Variants in SIMC1 observed in about 807,000 individuals in gnomAD.
SIMC1 encodes SUMO-interacting motif-containing protein 1.
In SIMC1, 55 loss-of-function variants were observed where a neutral mutation model predicts 82.3. The observed-to-expected ratio is 0.67, with a 90% CI of 0.54 to 0.84. The LOEUF (loss-of-function observed/expected upper bound fraction) is 0.84, where lower values mean the gene tolerates loss of function less well. Among genes scored for constraint, SIMC1 ranks in the 40% least tolerant of loss-of-function variants. The pLI, the probability that SIMC1 is intolerant of heterozygous loss-of-function variation, is 0.00. For synonymous variants in SIMC1, 353 were observed against 426.3 expected (o/e 0.83, Z 2.12); for missense variants, 915 against 1,107.2 (o/e 0.83, Z 2.46).
At chr5:176,257,828 G>T in intron 1 of SIMC1, among the ~76,000 whole-genome samples, 1 of 152,102 alleles carries the variant, frequency 6.6e-6, no homozygotes, top group Admixed American at 6.6e-5. Context: ...TTTGTTGCAT[G>T]GGGTTGTCCT....
chr5:176,307,525 C>T (rs1764476425), intron 4 of SIMC1, among the ~76,000 whole-genome samples: 2 of 152,196 alleles, frequency 1.3e-5, no homozygotes, highest in East Asian at 1.9e-4. Flanking sequence ...CTCAGCCTCC[C>T]GAGTAGCTGG....
At chr5:176,315,226 G>A (rs1264859950) in intron 5 of SIMC1, among the ~76,000 whole-genome samples, 1 of 152,202 alleles carries the variant, frequency 6.6e-6, no homozygotes, top group Non-Finnish European at 1.5e-5. Context: ...AGAAGGTGAA[G>A]GAGAGCTGGA....
At chr5:176,328,455 A>G (rs1765488157) in intron 7 of SIMC1, among the ~76,000 whole-genome samples, 1 of 152,062 alleles carries the variant, frequency 6.6e-6, no homozygotes, top group African/African-American at 2.4e-5. Flanking sequence ...GTGGTGGTAA[A>G]CACTTCCCTG....
In SIMC1 at chr5:176,317,026, T is replaced by C. The variant is rs567619480; in HGVS notation, c.1889+3181T>C. 3.3e-5 allele frequency among the ~76,000 whole-genome samples: 5 copies of C among 152,286 alleles called. No individual in the cohort carries two copies. In the East Asian group the frequency reaches 9.6e-4, roughly 29 times the overall value. ...CAAAGATAGGCATTTTTGAGGGGTG[T>C]TTGTGACCTCTAAATCTAGGCCAGG... is the stretch of plus-strand genomic sequence containing the variant. On this transcript the variant is annotated intron_variant, in intron 5 of 9. Coordinates refer to ENST00000429602, the MANE Select transcript of SIMC1 (RefSeq NM_001308195.2).
In SIMC1 at chr5:176,290,362, C is replaced by G. The variant is rs1763497804; in HGVS notation, c.838C>G (p.Gln280Glu). 7 of 1,613,892 alleles carry G rather than the reference C, an allele frequency of 4.3e-6. No individual in the cohort carries two copies. The South Asian group carries it at 5.5e-5, about 13-fold the overall frequency. The stretch of plus-strand genomic sequence containing the variant: ...TCGGCAGAATATCCCAGGCCCACCT[C>G]AAGACTCTCTGGGCCTACCTCAAGA... ...CPRQNIPGPP[Q>E]DSLGLPQDVP... Residue 280 changes from glutamine to glutamate, a missense_variant, in exon 2 of 10, where the codon CAA (glutamine) becomes GAA (glutamate). This residue lies in a region of SIMC1 where 902 missense variants were observed against 1,040.3 expected (regional missense o/e 0.87). Transcript: ENST00000429602.
chr5:176,301,565 G>T (rs1489545705), intron 4 of SIMC1, among the ~76,000 whole-genome samples: 1 of 152,126 alleles, frequency 6.6e-6, no homozygotes. Context: ...ATTGCTTGAG[G>T]CCAGGAGTTC....
chr5:176,287,692 A>G lies in SIMC1; in HGVS notation c.130-1962A>G, dbSNP rs146138216. ...GTAAGCAAACACTTAAAAAAATAAA[A>G]TAAATTGAAAGAATAAAAAAAGAAA... On this transcript the variant is annotated intron_variant, in intron 1 of 9. Coordinates refer to ENST00000429602, the MANE Select transcript of SIMC1 (RefSeq NM_001308195.2). Among the ~76,000 whole-genome samples the G allele has an allele frequency of 4.0e-3, 601 of 151,950 alleles. 5 individuals carry two copies. Among genetic ancestry groups the G allele is most frequent in the Non-Finnish European group, 5.9e-3 (401 of 67,974 alleles).
intron 7 of SIMC1, among the ~76,000 whole-genome samples, chr5:176,335,295 T>A (rs1433347044): frequency 6.8e-6 from 1 of 146,858 alleles, no homozygotes; most frequent in Admixed American, 6.8e-5. Context: ...TTTTTTTTTT[T>A]AGATTGAGTC....
chr5:176,326,165 C>T (rs1020505831), intron 7 of SIMC1, among the ~76,000 whole-genome samples: 7 of 152,218 alleles, frequency 4.6e-5, no homozygotes, highest in Admixed American at 1.3e-4. Context: ...AGTGCATCTC[C>T]ACCAGCTCCA....
Position 176,339,288 on chromosome 5 carries a change from C to T in SIMC1, c.2413+2142C>T, listed in dbSNP as rs573378148. ...CTGAGGCAGGAGAATCATTTGAACC[C>T]GGGAGGTGGAGGTTGCAGTGAGCCA... On this transcript the variant is annotated intron_variant, in intron 9 of 9. Coordinates refer to ENST00000429602, the MANE Select transcript of SIMC1 (RefSeq NM_001308195.2). Among the ~76,000 whole-genome samples the T allele has an allele frequency of 1.5e-4, 23 of 152,192 alleles. No individual in the cohort carries two copies. In the East Asian group the frequency reaches 3.9e-3, roughly 26 times the overall value.
chr5:176,275,174 C>T (rs1262939692), intron 1 of SIMC1, among the ~76,000 whole-genome samples: 1 of 151,508 alleles, frequency 6.6e-6, no homozygotes, highest in Non-Finnish European at 1.5e-5. Flanking sequence ...TGTAGTTCTC[C>T]TTGAAGAGGT....
chr5:176,306,268 C>T (rs76301706), intron 4 of SIMC1, among the ~76,000 whole-genome samples: 3 of 119,938 alleles, frequency 2.5e-5, no homozygotes, highest in Admixed American at 7.9e-5. Flanking sequence ...CCCGGCCAGC[C>T]GCCCCGTCCG....
At chr5:176,305,283 A>C (rs1365374022) in intron 4 of SIMC1, among the ~76,000 whole-genome samples, 1 of 3,092 alleles carries the variant, frequency 3.2e-4, no homozygotes. Context: ...GGAGCCCCTC[A>C]GCCCGGCCAG....
At chr5:176,302,222 A>G (rs1764070564) in intron 4 of SIMC1, among the ~76,000 whole-genome samples, 1 of 152,202 alleles carries the variant, frequency 6.6e-6, no homozygotes, top group African/African-American at 2.4e-5. Flanking sequence ...CAGAGAGCCA[A>G]CTGTAAACCA....
intron 1 of SIMC1, among the ~76,000 whole-genome samples, chr5:176,261,979 C>T (rs1317889475): frequency 6.6e-6 from 1 of 151,744 alleles, no homozygotes; most frequent in East Asian, 1.9e-4. Flanking sequence ...CTCTATGAGA[C>T]CAACATTACA....
intron 9 of SIMC1, among the ~76,000 whole-genome samples, chr5:176,343,784 T>G (rs1340373167): frequency 6.7e-6 from 1 of 150,140 alleles, no homozygotes; most frequent in Non-Finnish European, 1.5e-5. Context: ...TTTTTTGTTT[T>G]TTTGTTTTGT....
chr5:176,290,858 A>C lies in SIMC1; in HGVS notation c.1334A>C (p.Tyr445Ser), dbSNP rs1246285448. 3 of 1,613,716 alleles carry C rather than the reference A, an allele frequency of 1.9e-6. No individual in the cohort carries two copies. Among genetic ancestry groups the C allele is most frequent in the Non-Finnish European group, 1.7e-6 (2 of 1,179,718 alleles). ...TCACGAACACCACAAGGTGGGTTGT[A>C]CAACAGACCATGCCTGCATAGACTG... ...VQSRTPQGGLYNRPCLHRLKY... is the reference protein window; with the variant it reads ...VQSRTPQGGLSNRPCLHRLKY... Residue 445 changes from tyrosine (Y) to serine (S), a missense_variant, in exon 2 of 10, where the codon TAC becomes TCC. Transcript: ENST00000429602.
intron 9 of SIMC1, among the ~76,000 whole-genome samples, chr5:176,338,414 A>C (rs1765995055): frequency 6.6e-6 from 1 of 152,162 alleles, no homozygotes; most frequent in African/African-American, 2.4e-5. Context: ...AGGACACACT[A>C]AGTTGCTTAG....
At chr5:176,251,909 G>A (rs971314704) in intron 1 of SIMC1, among the ~76,000 whole-genome samples, 7 of 149,976 alleles carry the variant, frequency 4.7e-5, no homozygotes, top group Non-Finnish European at 8.9e-5. Flanking sequence ...TAAGGTCACA[G>A]ATCAACAGGA....
Sources: allele counts gnomAD v4.1 joint callset (sites outside exome capture counted in the v4.1 genomes callset), GRCh38; gene constraint gnomAD v4.1.1; regional missense constraint gnomAD v4.1.1; transcripts MANE v1.5; gene names NCBI Gene and HGNC (gene_info 2026-07-23, HGNC 2026-07-21).